CSMD1: variants seen among roughly 807,000 people sequenced by gnomAD.
The protein encoded by CSMD1 is CUB and sushi domain-containing protein 1.
A neutral mutation model predicts 417.5 loss-of-function variants in CSMD1; 213 were observed. That is an observed-to-expected ratio of 0.51 (90% CI 0.46 to 0.57). The LOEUF is 0.57. CSMD1 is among the 20% of genes least tolerant of loss of function. The probability of loss-of-function intolerance (pLI) is 0.00; values close to 1 mark genes in which losing one functional copy is unlikely to be tolerated. For missense variants in CSMD1, 6,923 were observed against 4,529.7 expected (o/e 1.53, Z -15.17); for synonymous variants, 2,862 against 1,736.8 (o/e 1.65, Z -16.11).
chr8:3,721,071 C>A (rs1239448904), intron 6 of CSMD1, among the ~76,000 whole-genome samples: 1 of 152,128 alleles, frequency 6.6e-6, no homozygotes, highest in Non-Finnish European at 1.5e-5. Context: ...GATCTGCCCG[C>A]CTCGGCCTCC....
At chr8:3,025,853 A>G (rs1216308905) in intron 51 of CSMD1, among the ~76,000 whole-genome samples, 3 of 152,246 alleles carry the variant, frequency 2.0e-5, no homozygotes, top group African/African-American at 7.2e-5. Flanking sequence ...TTTTAAATTA[A>G]TACGTAAAAT....
chr8:4,914,379 A>G (rs1176999988), intron 1 of CSMD1, among the ~76,000 whole-genome samples: 1 of 152,050 alleles, frequency 6.6e-6, no homozygotes, highest in Admixed American at 6.6e-5. Context: ...GATCGAGACC[A>G]TCCTGGCTAA....
At chr8:4,488,280 A>C (rs2130188671) in intron 2 of CSMD1, among the ~76,000 whole-genome samples, 1 of 152,310 alleles carries the variant, frequency 6.6e-6, no homozygotes, top group Non-Finnish European at 1.5e-5. Context: ...ATGCCCTGAA[A>C]GACCTCTACT....
intron 10 of CSMD1, among the ~76,000 whole-genome samples, chr8:3,535,552 G>C (rs910630079): frequency 1.3e-5 from 2 of 152,252 alleles, no homozygotes; most frequent in East Asian, 1.9e-4. Flanking sequence ...AAGGGGGCTG[G>C]TGGGTAGGAA....
In CSMD1 at chr8:4,859,216, T is replaced by G. The variant is rs1014359810; in HGVS notation, c.85+135116A>C. Among the ~76,000 whole-genome samples the G allele has an allele frequency of 9.9e-5, 15 of 151,968 alleles. No individual in the cohort carries two copies. In the East Asian group the frequency reaches 1.9e-3, roughly 20 times the overall value. On this transcript the variant is annotated intron_variant, in intron 1 of 69. Coordinates refer to ENST00000635120, the MANE Select transcript of CSMD1 (RefSeq NM_033225.6). ...GCTGGGAAAACTGGCTAGCCATATG[T>G]AGAAAGCTGAAACTGGATCCCTTCC...
chr8:3,836,425 T>G (rs564460910), intron 5 of CSMD1, among the ~76,000 whole-genome samples: 1 of 152,216 alleles, frequency 6.6e-6, no homozygotes, highest in South Asian at 2.1e-4. Flanking sequence ...ATTTCTCCAA[T>G]GCAGAAATCT....
At chr8:3,594,178 C>T (rs1178632319) in intron 8 of CSMD1, among the ~76,000 whole-genome samples, 2 of 152,182 alleles carry the variant, frequency 1.3e-5, no homozygotes, top group East Asian at 1.9e-4. Context: ...AGGGGTTTGG[C>T]ACTCATTTAC....
intron 1 of CSMD1, among the ~76,000 whole-genome samples, chr8:4,942,434 G>T (rs974550166): frequency 2.6e-4 from 39 of 152,058 alleles, no homozygotes; most frequent in African/African-American, 8.0e-4. Flanking sequence ...TCTACATCAT[G>T]CCCAACCAAC....
chr8:3,780,140 C>A (rs1351191157), intron 5 of CSMD1, among the ~76,000 whole-genome samples: 1 of 152,162 alleles, frequency 6.6e-6, no homozygotes, highest in African/African-American at 2.4e-5. Flanking sequence ...CCTGTGCCAT[C>A]GGGGTGAAAC....
chr8:4,286,630 G>C (rs998228665), intron 3 of CSMD1, among the ~76,000 whole-genome samples: 3 of 152,146 alleles, frequency 2.0e-5, no homozygotes, highest in Admixed American at 2.0e-4. Flanking sequence ...TGACCTCGAA[G>C]AAAGGTTTAT....
chr8:4,739,755 C>G (rs775841981), intron 1 of CSMD1, among the ~76,000 whole-genome samples: 1 of 152,154 alleles, frequency 6.6e-6, no homozygotes, highest in Admixed American at 6.6e-5. Context: ...TCCCTTCCCA[C>G]AAAGATTCTC....
chr8:3,900,329 C>T (rs1190482542), intron 5 of CSMD1, among the ~76,000 whole-genome samples: 2 of 149,478 alleles, frequency 1.3e-5, no homozygotes, highest in African/African-American at 5.0e-5. Flanking sequence ...CTGGATGACA[C>T]TACAGCTGGG....
intron 3 of CSMD1, among the ~76,000 whole-genome samples, chr8:4,033,878 T>C (rs545064069): frequency 2.0e-5 from 3 of 152,338 alleles, no homozygotes; most frequent in East Asian, 3.9e-4. Flanking sequence ...TTCAGTTGAA[T>C]GGATGAAATT....
chr8:4,101,114 T>G (rs189084978), intron 3 of CSMD1, among the ~76,000 whole-genome samples: 2 of 152,188 alleles, frequency 1.3e-5, no homozygotes, highest in African/African-American at 4.8e-5. Flanking sequence ...AACCAGCGAA[T>G]AGTCTTTTAA....
chr8:3,887,076 C>G (rs777849309), intron 5 of CSMD1, among the ~76,000 whole-genome samples: 4 of 152,210 alleles, frequency 2.6e-5, no homozygotes, highest in Non-Finnish European at 5.9e-5. Context: ...AAGACACAAT[C>G]CCACTCTAGC....
At chr8:2,993,168 C>T (rs1806552350) in intron 54 of CSMD1, among the ~76,000 whole-genome samples, 2 of 152,148 alleles carry the variant, frequency 1.3e-5, no homozygotes, top group Admixed American at 6.5e-5. Flanking sequence ...TTTATATACA[C>T]TTATGTGAAA....
intron 2 of CSMD1, among the ~76,000 whole-genome samples, chr8:4,579,918 C>T (rs1799331989): frequency 1.3e-5 from 2 of 152,134 alleles, no homozygotes; most frequent in African/African-American, 4.8e-5. Context: ...TCTTTAACTC[C>T]AGATGCATAG....
chr8:3,967,365 G>T (rs1018694808), intron 5 of CSMD1, among the ~76,000 whole-genome samples: 2 of 151,878 alleles, frequency 1.3e-5, no homozygotes, highest in Non-Finnish European at 2.9e-5. Flanking sequence ...TGTAAACATG[G>T]AACTGCAGGC....
At position 3,537,299 on chromosome 8, in the gene CSMD1, G is replaced by A. The variant is rs138199634; in HGVS notation, c.1344+37646C>T. On this transcript the variant is annotated intron_variant, in intron 10 of 69. Transcript: ENST00000635120. ...ATTACAGGCATGAGCCATCATGCCCGGCCCGCAAACTCTTGCTTATATGAC... is the reference window on the plus strand; with the variant it reads ...ATTACAGGCATGAGCCATCATGCCCAGCCCGCAAACTCTTGCTTATATGAC... 2.4e-3 allele frequency among the ~76,000 whole-genome samples: 362 copies of A among 152,246 alleles called. 1 individual carries two copies. Among genetic ancestry groups the A allele is most frequent in the African/African-American group, 5.2e-3 (215 of 41,538 alleles).
Sources: gnomAD v4.1 joint callset for allele counts (sites outside exome capture counted in the v4.1 genomes callset) on GRCh38, gnomAD v4.1.1 for gene constraint, MANE v1.5 for transcripts, NCBI Gene and HGNC (gene_info 2026-07-23, HGNC 2026-07-21) for gene names.